Variants in MALRD1 observed in about 807,000 individuals in gnomAD.
MALRD1 encodes the protein MAM and LDL receptor class A domain containing 1.
Under a neutral mutation model 242.1 loss-of-function variants are expected in MALRD1, and 247 were observed. The ratio of observed to expected loss-of-function variants is 1.02; its 90% CI spans 0.92 to 1.13. The LOEUF (loss-of-function observed/expected upper bound fraction) is 1.13. Among genes scored for constraint, MALRD1 ranks in the 50% most tolerant of loss-of-function variants. The pLI is 0.00. For missense variants in MALRD1, 2,989 were observed against 2,533.1 expected (o/e 1.18, Z -3.86); for synonymous variants, 995 against 866.6 (o/e 1.15, Z -2.60).
chr10:19,457,620 C>T (rs997720109), intron 29 of MALRD1, among the ~76,000 whole-genome samples: 9 of 151,440 alleles, frequency 5.9e-5, no homozygotes, highest in African/African-American at 2.2e-4. Context: ...AACGTCCCTT[C>T]TTATCTCAGA....
intron 5 of MALRD1, among the ~76,000 whole-genome samples, chr10:19,112,190 G>A (rs575168139): frequency 1.3e-5 from 2 of 150,242 alleles, no homozygotes; most frequent in Admixed American, 6.7e-5. Context: ...TAGAGCTCAG[G>A]CTTAAAAACA....
chr10:19,415,654 G>T (rs989008371), intron 28 of MALRD1, among the ~76,000 whole-genome samples: 10 of 152,078 alleles, frequency 6.6e-5, no homozygotes, highest in African/African-American at 2.4e-4. Context: ...GCTCTTTTAA[G>T]AAATGGGTCT....
intron 4 of MALRD1, among the ~76,000 whole-genome samples, chr10:19,095,922 C>A (rs146904728): frequency 6.6e-6 from 1 of 152,326 alleles, no homozygotes; most frequent in Non-Finnish European, 1.5e-5. Context: ...GAAGTTCCAT[C>A]TCTCTCCGTT....
intron 31 of MALRD1, among the ~76,000 whole-genome samples, chr10:19,504,307 A>G (rs1402467098): frequency 2.0e-5 from 3 of 152,138 alleles, no homozygotes; most frequent in Non-Finnish European, 4.4e-5. Context: ...ACATCACTGT[A>G]GTGTGTTCTT....
At chr10:19,222,698 T>C (rs1837614119) in intron 18 of MALRD1, among the ~76,000 whole-genome samples, 1 of 152,210 alleles carries the variant, frequency 6.6e-6, no homozygotes, top group African/African-American at 2.4e-5. Flanking sequence ...TCTCTTCTGA[T>C]CCAGACTTGT....
intron 36 of MALRD1, among the ~76,000 whole-genome samples, chr10:19,630,232 A>T (rs1488757639): frequency 6.6e-6 from 1 of 152,196 alleles, no homozygotes; most frequent in Non-Finnish European, 1.5e-5. Flanking sequence ...ATGACTATTC[A>T]TGATCAGTGG....
intron 38 of MALRD1, among the ~76,000 whole-genome samples, chr10:19,723,922 T>C (rs1250253952): frequency 6.6e-6 from 1 of 150,440 alleles, no homozygotes; most frequent in Non-Finnish European, 1.5e-5. Flanking sequence ...GCCAGGTGTG[T>C]TGGCATGCAC....
chr10:19,575,806 T>C (rs1836791063), intron 33 of MALRD1, among the ~76,000 whole-genome samples: 1 of 152,200 alleles, frequency 6.6e-6, no homozygotes, highest in Non-Finnish European at 1.5e-5. Context: ...TTCTTTTTAC[T>C]GCCCAAGTTC....
chr10:19,499,720 C>T (rs190413642), intron 31 of MALRD1, among the ~76,000 whole-genome samples: 148 of 152,154 alleles, frequency 9.7e-4, no homozygotes, highest in Middle Eastern at 3.4e-3. Flanking sequence ...TAAAAAAGAA[C>T]GAGATTACAT....
intron 24 of MALRD1, among the ~76,000 whole-genome samples, chr10:19,343,690 C>T (rs1008765986): frequency 5.3e-5 from 8 of 152,012 alleles, no homozygotes; most frequent in African/African-American, 1.9e-4. Flanking sequence ...TCACGTTTTC[C>T]TTTGTATTGC....
chr10:19,568,743 C>T (rs1046323698), intron 33 of MALRD1, among the ~76,000 whole-genome samples: 1 of 151,962 alleles, frequency 6.6e-6, no homozygotes. Context: ...CCATAAGCAG[C>T]CTCTTACTTT....
intron 28 of MALRD1, 46 bp from the exon 29 acceptor site, chr10:19,450,261 C>A: frequency 1.3e-6 from 2 of 1,491,484 alleles, no homozygotes; most frequent in Non-Finnish European, 1.8e-6. Flanking sequence ...GCATCATCTT[C>A]TTTTGTGTTT....
chr10:19,187,767 C>T (rs1399557471), intron 14 of MALRD1, among the ~76,000 whole-genome samples: 1 of 152,070 alleles, frequency 6.6e-6, no homozygotes, highest in Non-Finnish European at 1.5e-5. Context: ...ACATTGAGTT[C>T]ACATGGACAT....
intron 36 of MALRD1, among the ~76,000 whole-genome samples, chr10:19,682,954 C>T (rs1842433925): frequency 1.3e-5 from 2 of 152,142 alleles, no homozygotes; most frequent in South Asian, 4.1e-4. Context: ...TGATTCTTCC[C>T]TTTCCTGTGT....
intron 31 of MALRD1, among the ~76,000 whole-genome samples, chr10:19,512,806 A>T (rs1833463012): frequency 6.6e-6 from 1 of 152,208 alleles, no homozygotes. Context: ...GCAATTTTAG[A>T]CTAGTCACTC....
At chr10:19,191,953 G>A (rs1002106234) in intron 14 of MALRD1, among the ~76,000 whole-genome samples, 3 of 151,946 alleles carry the variant, frequency 2.0e-5, no homozygotes. Context: ...AGCTGAAATC[G>A]CTCGTGCCAC....
chr10:19,051,844 C>A (rs1834508864), intron 1 of MALRD1: 1 of 160,604 alleles, frequency 6.2e-6, no homozygotes, highest in South Asian at 1.4e-4. Context: ...ATGGTGTGAA[C>A]CCGGGATGCG....
At chr10:19,557,408 A>T (rs934118262) in intron 32 of MALRD1, among the ~76,000 whole-genome samples, 1 of 152,118 alleles carries the variant, frequency 6.6e-6, no homozygotes, top group African/African-American at 2.4e-5. Context: ...TACAAGTTTT[A>T]TAGTTTGCAG....
At chr10:19,484,066 A>C (rs1283306475) in intron 29 of MALRD1, among the ~76,000 whole-genome samples, 2 of 152,304 alleles carry the variant, frequency 1.3e-5, no homozygotes, top group East Asian at 3.9e-4. Flanking sequence ...ATGAGGCCTA[A>C]ACCTTGGGTG....
Sources: allele counts gnomAD v4.1 joint callset (sites outside exome capture counted in the v4.1 genomes callset), GRCh38; gene constraint gnomAD v4.1.1; transcripts MANE v1.5; gene names NCBI Gene and HGNC (gene_info 2026-07-23, HGNC 2026-07-21).